The following VRTN variants were observed in gnomAD, a reference collection of about 807,000 sequenced individuals.
VRTN encodes the protein vertebrae development associated.
VRTN carries 5 observed loss-of-function variants against 18.2 expected under a neutral mutation model. The ratio of observed to expected loss-of-function variants is 0.27; its 90% confidence interval spans 0.14 to 0.58. The LOEUF (loss-of-function observed/expected upper bound fraction) is 0.58, where lower values mean the gene tolerates loss of function less well. Ranked by LOEUF, VRTN falls within the 20% of genes least tolerant of loss-of-function variation. The pLI, the probability that VRTN is intolerant of heterozygous loss-of-function variation, is 0.91. For missense variants in VRTN, 741 were observed against 939.4 expected (o/e 0.79, Z 2.76); for synonymous variants, 381 against 393.7 (o/e 0.97, Z 0.38).
intron 1 of VRTN, among the ~76,000 whole-genome samples, chr14:74,322,031 A>C (rs1290721565): frequency 1.3e-5 from 2 of 151,410 alleles, no homozygotes; most frequent in Admixed American, 6.6e-5. Context: ...GTTTTTTAGT[A>C]GAGACGGGGT....
At chr14:74,350,583 C>A (rs1313866061) in intron 1 of VRTN, among the ~76,000 whole-genome samples, 1 of 152,086 alleles carries the variant, frequency 6.6e-6, no homozygotes, top group Non-Finnish European at 1.5e-5. Flanking sequence ...GTTTCTGGAT[C>A]CATTGGATAA....
chr14:74,313,866 C>T (rs2085403408), intron 1 of VRTN, among the ~76,000 whole-genome samples: 1 of 152,156 alleles, frequency 6.6e-6, no homozygotes, highest in African/African-American at 2.4e-5. Context: ...GCTGTAGTCT[C>T]AGATGCTTGG....
intron 1 of VRTN, among the ~76,000 whole-genome samples, chr14:74,303,807 G>A (rs984187795): frequency 1.5e-4 from 23 of 149,080 alleles, no homozygotes; most frequent in African/African-American, 4.7e-4. Flanking sequence ...GAAAGTTGCA[G>A]TCTAGCTGGG....
chr14:74,326,732 C>T lies in VRTN; in HGVS notation c.-163-10991C>T, dbSNP rs188828220. On this transcript the variant is annotated intron_variant, in intron 1 of 2. Coordinates refer to the VRTN transcript ENST00000557177. ...CCAGGGAGTGCTAGACAGCTGGAGC[C>T]GAGCTCCACACCACACCATTTACAT... Among the ~76,000 whole-genome samples, 22 of 152,202 alleles carry T rather than the reference C, an allele frequency of 1.4e-4. No homozygotes were observed. The East Asian group carries it at 4.1e-3, about 28-fold the overall frequency.
At chr14:74,346,447 C>G (rs1254269891), upstream of VRTN, among the ~76,000 whole-genome samples, 3 of 152,080 alleles carry the variant, frequency 2.0e-5, no homozygotes, top group Non-Finnish European at 4.4e-5. Context: ...ACTCTGTCAC[C>G]CAGGCTGGAG....
rs2085760920 is a variant in VRTN at position 74,359,052 on chromosome 14, CAG to C, written c.*164_*165del. On this transcript the variant is annotated 3_prime_UTR_variant, in exon 2 of 2. Transcript: ENST00000256362. ...TTTGTGTTATTTTCTGGCTCCAGGA[CAG>C]AGAATGCCAGAAATCAGCCATCTGG... 2 of 1,319,800 alleles carry C rather than the reference CAG, an allele frequency of 1.5e-6. No homozygotes were observed. Among genetic ancestry groups the C allele is most frequent in the East Asian group, 5.3e-5 (2 of 38,038 alleles). 81.8% of individuals were successfully genotyped at this position (1,319,800 alleles called of 1,614,324 possible).
upstream of VRTN, among the ~76,000 whole-genome samples, chr14:74,343,957 G>A (rs766411172): frequency 2.6e-5 from 4 of 151,348 alleles, no homozygotes; most frequent in Non-Finnish European, 2.9e-5. Context: ...CACCATGCCC[G>A]GCTTATTTTT....
At chr14:74,345,479 G>C (rs2085638047), upstream of VRTN, among the ~76,000 whole-genome samples, 1 of 150,552 alleles carries the variant, frequency 6.6e-6, no homozygotes, top group Non-Finnish European at 1.5e-5. Flanking sequence ...AGCCTCCCGA[G>C]TAGCTGGGAT....
At chr14:74,342,708 G>A (rs2085615063) in intron 2 of VRTN, among the ~76,000 whole-genome samples, 1 of 151,900 alleles carries the variant, frequency 6.6e-6, no homozygotes, top group Admixed American at 6.6e-5. Context: ...TGTGATCACA[G>A]CTCACTACAA....
At chr14:74,353,614 A>G (rs575729097) in intron 1 of VRTN, among the ~76,000 whole-genome samples, 1 of 152,298 alleles carries the variant, frequency 6.6e-6, no homozygotes, top group African/African-American at 2.4e-5. Context: ...GGTTATATCT[A>G]CCAGTGTATA....
chr14:74,348,433 T>G (rs1289097922), upstream of VRTN: 1 of 152,276 alleles, frequency 6.6e-6, no homozygotes, highest in Non-Finnish European at 1.5e-5. Flanking sequence ...GTGGGCGATT[T>G]CCTGGGGGGA....
Position 74,334,300 on chromosome 14 carries a change from G to A in VRTN, c.-163-3423G>A, listed in dbSNP as rs550306845. Among the ~76,000 whole-genome samples the A allele has an allele frequency of 1.4e-4, 22 of 152,202 alleles. No homozygotes were observed. In the East Asian group the frequency reaches 4.2e-3, roughly 29 times the overall value. ...TACCAGCACTTTGGGAGGCTGAGGCGGGCGGATTGCTTGAGCTCATGAGTT... is the reference window on the plus strand; with the variant it reads ...TACCAGCACTTTGGGAGGCTGAGGCAGGCGGATTGCTTGAGCTCATGAGTT... On this transcript the variant is annotated intron_variant, in intron 1 of 2. Transcript: ENST00000557177.
At position 74,359,836 on chromosome 14, in the gene VRTN, G is replaced by A. The variant is rs766632827; in HGVS notation, c.*944G>A. On this transcript the variant is annotated 3_prime_UTR_variant, in exon 2 of 2. Coordinates refer to ENST00000256362, the MANE Select transcript of VRTN (RefSeq NM_018228.3). Reference sequence around the variant, plus strand: ...CACCTGCTGGGACCCTGCAGTCCTCGGCCAGCCTGGCTGTCAGTTGGGGAT... The same window carrying A: ...CACCTGCTGGGACCCTGCAGTCCTCAGCCAGCCTGGCTGTCAGTTGGGGAT... 5 of 167,008 alleles carry A rather than the reference G, an allele frequency of 3.0e-5. No homozygotes were observed. The highest frequency in any genetic ancestry group is 9.7e-5 in the African/African-American group (4 of 41,410). 10.3% of individuals were successfully genotyped at this position (167,008 alleles called of 1,614,324 possible).
intron 1 of VRTN, among the ~76,000 whole-genome samples, chr14:74,333,111 G>A (rs1350616230): frequency 1.3e-5 from 2 of 152,188 alleles, no homozygotes; most frequent in African/African-American, 2.4e-5. Flanking sequence ...TGCCAGGCAC[G>A]GTGGCTCATG....
At chr14:74,352,067 G>T (rs1188851213) in intron 1 of VRTN, among the ~76,000 whole-genome samples, 1 of 151,674 alleles carries the variant, frequency 6.6e-6, no homozygotes, top group Non-Finnish European at 1.5e-5. Context: ...GTCCAGGATG[G>T]TCTTGATCTC....
Position 74,318,324 on chromosome 14 carries a change from G to A in VRTN, c.-164+15148G>A, listed in dbSNP as rs539694987. Among the ~76,000 whole-genome samples the A allele has an allele frequency of 1.4e-4, 21 of 151,664 alleles. No homozygotes were observed. The East Asian group carries it at 2.9e-3, about 21-fold the overall frequency. ...CGCTCTTTGTTGCCCAGGCTGGAGC[G>A]CAATGGCGTGATCTCGGCTCACCGC... On this transcript the variant is annotated intron_variant, in intron 1 of 2. Transcript: ENST00000557177.
intron 1 of VRTN, among the ~76,000 whole-genome samples, chr14:74,328,864 G>T (rs1224049487): frequency 6.6e-6 from 1 of 152,100 alleles, no homozygotes; most frequent in East Asian, 1.9e-4. Context: ...GCTGGGTGCA[G>T]TGGCTCACGC....
chr14:74,325,325 C>CA (rs1189129108), intron 1 of VRTN, among the ~76,000 whole-genome samples: 1 of 151,306 alleles, frequency 6.6e-6, no homozygotes, highest in Non-Finnish European at 1.5e-5. Context: ...TGAAAGACGC[C>CA]AAAAAAATCA....
rs781768914 is a variant in VRTN at position 74,358,554 on chromosome 14, C to A, written c.1771C>A (p.Pro591Thr). ...GRDVTAVMAP[P>T]VGASSEDVEG... ...GGATGTGACAGCTGTGATGGCCCCACCTGTGGGGGCTTCTTCAGAAGATGT... is the reference window on the plus strand; with the variant it reads ...GGATGTGACAGCTGTGATGGCCCCAACTGTGGGGGCTTCTTCAGAAGATGT... The change falls in exon 2 of 2, where the codon CCT becomes ACT. Residue 591 changes from proline to threonine, a missense_variant. By Grantham distance (38) the Pro-to-Thr change is conservative (BLOSUM62 -1). Coordinates refer to ENST00000256362, the MANE Select transcript of VRTN (RefSeq NM_018228.3). The surrounding 1 kb of genome is among the most constrained non-coding windows in gnomAD (Gnocchi z 5.4). The A allele has an allele frequency of 1.7e-5, 28 of 1,609,628 alleles. No individual in the cohort carries two copies. Among genetic ancestry groups the A allele is most frequent in the Admixed American group, 1.2e-4 (7 of 59,488 alleles).
Sources: gnomAD v4.1 joint callset for allele counts (sites outside exome capture counted in the v4.1 genomes callset) on GRCh38, gnomAD v4.1.1 for gene constraint, Gnocchi (gnomAD v3.1) non-coding constraint, MANE v1.5 for transcripts, NCBI Gene and HGNC (gene_info 2026-07-23, HGNC 2026-07-21) for gene names.